Variants in KLHL8 observed in about 807,000 individuals in gnomAD.
KLHL8 encodes kelch-like protein 8.
KLHL8 carries 38 observed loss-of-function variants against 63.5 expected under a neutral mutation model. The observed-to-expected ratio is 0.60, with a 90% confidence interval of 0.46 to 0.78. KLHL8 has a LOEUF of 0.78. KLHL8 is among the 30% of genes least tolerant of loss of function. The pLI is 0.00. For missense variants in KLHL8, 566 were observed against 752.4 expected, an observed-to-expected ratio of 0.75 and a Z score of 2.90; for synonymous variants, 224 against 254.3, an observed-to-expected ratio of 0.88 and a Z score of 1.13.
At chr4:87,167,157 G>C (rs548845858) in intron 8 of KLHL8, 4 of 503,300 alleles carry the variant, frequency 7.9e-6, no homozygotes, top group African/African-American at 7.8e-5. Context: ...AGGATTTGTC[G>C]CAGAAGAAAG....
intron 1 of KLHL8, among the ~76,000 whole-genome samples, chr4:87,204,523 G>C (rs1486297479): frequency 6.6e-6 from 1 of 152,196 alleles, no homozygotes; most frequent in Non-Finnish European, 1.5e-5. Flanking sequence ...AAAACATATA[G>C]CAGCTCTAGT....
chr4:87,180,258 G>A (rs987188899), intron 4 of KLHL8, among the ~76,000 whole-genome samples: 1 of 152,172 alleles, frequency 6.6e-6, no homozygotes, highest in South Asian at 2.1e-4. Flanking sequence ...GTCTAAGGTA[G>A]GTTAAGACTG....
At chr4:87,173,816 C>A (rs1055796359) in intron 6 of KLHL8, among the ~76,000 whole-genome samples, 13 of 151,964 alleles carry the variant, frequency 8.6e-5, no homozygotes, top group African/African-American at 3.1e-4. Context: ...TTAATCCATG[C>A]AGTTATCACA....
At chr4:87,203,643 T>G (rs1423745162) in intron 1 of KLHL8, among the ~76,000 whole-genome samples, 6 of 149,632 alleles carry the variant, frequency 4.0e-5, no homozygotes, top group African/African-American at 1.5e-4. Context: ...ATATAGTTTC[T>G]GATCCATTTT....
chr4:87,164,525 T>TA (rs1376958884), intron 8 of KLHL8, among the ~76,000 whole-genome samples: 1 of 152,146 alleles, frequency 6.6e-6, no homozygotes, highest in Non-Finnish European at 1.5e-5. Flanking sequence ...AGATAAAAGT[T>TA]AAAGTTTTCC....
chr4:87,164,930 C>T lies in KLHL8; in HGVS notation c.1538-851G>A, dbSNP rs529829917. On this transcript the variant is annotated intron_variant, in intron 8 of 9. Transcript: ENST00000273963. ...TTGGGAGGCCAAGGGGGGCCGATCA[C>T]GAGGTCAGGAGATCGAGACCATCCT... Among the ~76,000 whole-genome samples the T allele has an allele frequency of 1.7e-3, 265 of 152,022 alleles. 3 individuals are homozygous for T. The highest frequency in any genetic ancestry group is 1.9e-3 in the East Asian group (10 of 5,168).
intron 2 of KLHL8, among the ~76,000 whole-genome samples, chr4:87,195,123 A>G (rs1427917027): frequency 1.3e-5 from 2 of 152,206 alleles, no homozygotes; most frequent in Non-Finnish European, 2.9e-5. Context: ...AATTAGTACA[A>G]TAATTTTATC....
At chr4:87,229,450 C>T in intron 1 of KLHL8, among the ~76,000 whole-genome samples, 1 of 137,024 alleles carries the variant, frequency 7.3e-6, no homozygotes, top group African/African-American at 2.8e-5. Context: ...GGGGGGGGTG[C>T]AGGGAACAGG....
At position 87,160,146 on chromosome 4, in the gene KLHL8, A is replaced by T. The variant is rs1480736967; in HGVS notation, c.*3373T>A. 1.3e-5 allele frequency: 2 copies of T among 152,312 alleles called. No homozygotes were observed. The highest frequency in any genetic ancestry group is 2.9e-5 in the Non-Finnish European group (2 of 67,994). 9.4% of individuals were successfully genotyped at this position (152,312 alleles called of 1,614,324 possible). On this transcript the variant is annotated 3_prime_UTR_variant, in exon 10 of 10. Transcript: ENST00000273963. ...TGCAATGTATTTTAATTAAATAAAT[A>T]GCACTGATGTGACCCCAACTTTTTG...
chr4:87,208,960 A>G (rs1302469249), intron 1 of KLHL8, among the ~76,000 whole-genome samples: 1 of 152,168 alleles, frequency 6.6e-6, no homozygotes, highest in Non-Finnish European at 1.5e-5. Flanking sequence ...TGTCTATACC[A>G]AATTCTCTTA....
chr4:87,227,357 G>GGT (rs1307872969), intron 1 of KLHL8, among the ~76,000 whole-genome samples: 1 of 152,116 alleles, frequency 6.6e-6, no homozygotes, highest in Non-Finnish European at 1.5e-5. Flanking sequence ...ATTTGACACT[G>GGT]GAGACGGGGC....
At chr4:87,181,987 G>C (rs551097245) in intron 4 of KLHL8, among the ~76,000 whole-genome samples, 1 of 151,946 alleles carries the variant, frequency 6.6e-6, no homozygotes, top group Admixed American at 6.6e-5. Flanking sequence ...CCAGCACTTC[G>C]GGAGGCCAAG....
At chr4:87,230,724 G>T (rs985725999) in intron 1 of KLHL8, among the ~76,000 whole-genome samples, 1 of 152,122 alleles carries the variant, frequency 6.6e-6, no homozygotes, top group Non-Finnish European at 1.5e-5. Flanking sequence ...AGCATCTAAC[G>T]CAGTGTTAAG....
Position 87,163,433 on chromosome 4 carries a change from A to T in KLHL8, c.*86T>A. On this transcript the variant is annotated 3_prime_UTR_variant, in exon 10 of 10. Coordinates refer to ENST00000273963, the MANE Select transcript of KLHL8 (RefSeq NM_020803.5). ...TAAATAAGACTCTAGTTGCAGTAAAAAGTGTTGAAAGGTGGTCATATCAAA... is the reference window on the plus strand; with the variant it reads ...TAAATAAGACTCTAGTTGCAGTAAATAGTGTTGAAAGGTGGTCATATCAAA... 7.3e-7 allele frequency: 1 copy of T among 1,371,010 alleles called. No homozygotes were observed. Among genetic ancestry groups the T allele is most frequent in the South Asian group, 1.4e-5 (1 of 73,416 alleles). The allele number at this position is 1,371,010 out of a possible 1,614,324, so 84.9% of individuals were successfully genotyped here. A position where few individuals can be genotyped will look rare whatever the true frequency, so the allele number is the denominator to read the frequency against.
intron 2 of KLHL8, among the ~76,000 whole-genome samples, chr4:87,187,250 G>T (rs1020003872): frequency 6.6e-6 from 1 of 151,990 alleles, no homozygotes; most frequent in Non-Finnish European, 1.5e-5. Flanking sequence ...TGTTGTTGTT[G>T]TACAAAGTCT....
Position 87,207,672 on chromosome 4 carries a change from G to A in KLHL8, c.-151-11982C>T, listed in dbSNP as rs183432642. The A allele has an allele frequency of 5.9e-4, 657 of 1,109,594 alleles. 5 individuals are homozygous for A. The African/African-American group carries it at 9.4e-3, about 16-fold the overall frequency. 68.7% of individuals were successfully genotyped at this position (1,109,594 alleles called of 1,614,324 possible). On this transcript the variant is annotated intron_variant, in intron 1 of 9. Transcript: ENST00000273963. ...TGGATGGCCCCTCTGGGAAACTGTGGCGTGACAGCTGCAGGGCTCTCCAGA... is the reference window on the plus strand; with the variant it reads ...TGGATGGCCCCTCTGGGAAACTGTGACGTGACAGCTGCAGGGCTCTCCAGA...
intron 1 of KLHL8, among the ~76,000 whole-genome samples, chr4:87,210,697 C>T (rs150730643): frequency 1.8e-4 from 27 of 152,196 alleles, no homozygotes; most frequent in African/African-American, 6.5e-4. Flanking sequence ...TAGAGCAAAA[C>T]CTGAATGTGT....
rs1293865391 is a variant in KLHL8 at position 87,183,370 on chromosome 4, G to A, written c.785C>T (p.Pro262Leu). The change falls in exon 4 of 10, where the codon CCG becomes CTG. Residue 262 changes from proline (P) to leucine (L), a missense_variant. Coordinates refer to ENST00000273963, the MANE Select transcript of KLHL8 (RefSeq NM_020803.5). ...TLAQVRLPLL[P>L]VDFLMGVVAK... Reference sequence around the variant, plus strand: ...CACAACACCCATAAGAAAATCAACCGGCAACAATGGCAGGCGAACCTAAGA... The same window carrying A: ...CACAACACCCATAAGAAAATCAACCAGCAACAATGGCAGGCGAACCTAAGA... 5.6e-6 allele frequency: 9 copies of A among 1,603,464 alleles called. No individual in the cohort carries two copies. Among genetic ancestry groups the A allele is most frequent in the East Asian group, 2.2e-5 (1 of 44,588 alleles).
chr4:87,239,640 A>G (rs1047559624), intron 1 of KLHL8, among the ~76,000 whole-genome samples: 3 of 152,116 alleles, frequency 2.0e-5, no homozygotes, highest in South Asian at 2.1e-4. Context: ...ATAATCCAGA[A>G]CATATGCAAG....
Sources: allele counts gnomAD v4.1 joint callset (sites outside exome capture counted in the v4.1 genomes callset), GRCh38; gene constraint gnomAD v4.1.1; transcripts MANE v1.5; gene names NCBI Gene and HGNC (gene_info 2026-07-23, HGNC 2026-07-21).